The following ANKRD45 variants were observed in gnomAD, a reference collection of about 807,000 sequenced individuals.
ANKRD45 encodes the protein ankyrin repeat domain-containing protein 45.
In ANKRD45, 21 loss-of-function variants were observed where a neutral mutation model predicts 28.1. The ratio of observed to expected loss-of-function variants is 0.75; its 90% CI spans 0.53 to 1.08. ANKRD45 has a LOEUF of 1.08. ANKRD45 is among the 50% of genes least tolerant of loss of function. The pLI, the probability that ANKRD45 is intolerant of heterozygous loss-of-function variation, is 0.00. For missense variants in ANKRD45, 261 were observed against 308.7 expected (o/e 0.85, Z 1.16); for synonymous variants, 86 against 103.9 (o/e 0.83, Z 1.05).
upstream of ANKRD45, among the ~76,000 whole-genome samples, chr1:173,670,729 C>G (rs1558152314): frequency 6.6e-6 from 1 of 152,172 alleles, no homozygotes; most frequent in Non-Finnish European, 1.5e-5. Flanking sequence ...TTAACTGTCT[C>G]TCTAAAATAA....
chr1:173,635,958 C>A (rs1002427863), intron 3 of ANKRD45: 1 of 757,322 alleles, frequency 1.3e-6, no homozygotes, highest in Non-Finnish European at 2.1e-6. Context: ...TGTAACCTTC[C>A]CCCAACTTCC....
chr1:173,700,239 A>G, the ANKRD45 span, among the ~76,000 whole-genome samples: 1 of 152,246 alleles, frequency 6.6e-6, no homozygotes. Context: ...GAAAATGGCC[A>G]TACTGCCCAA....
chr1:173,683,287 T>C, the ANKRD45 span, among the ~76,000 whole-genome samples: 1 of 152,102 alleles, frequency 6.6e-6, no homozygotes, highest in South Asian at 2.1e-4. Flanking sequence ...TGAAGGCTGC[T>C]CTCTACCATC....
chr1:173,615,623 T>C (rs907944105), intron 5 of ANKRD45, among the ~76,000 whole-genome samples: 2 of 152,036 alleles, frequency 1.3e-5, no homozygotes, highest in African/African-American at 4.8e-5. Flanking sequence ...GACAAAGATG[T>C]GGAGAAATTT....
At chr1:173,691,334 G>A in the ANKRD45 span, among the ~76,000 whole-genome samples, 3 of 152,188 alleles carry the variant, frequency 2.0e-5, no homozygotes, top group East Asian at 5.8e-4. Flanking sequence ...AGAAGGGGGC[G>A]GGGCACACCT....
At position 173,625,871 on chromosome 1, in the gene ANKRD45, G is replaced by C. The variant is rs540974464; in HGVS notation, c.592-946C>G. Among the ~76,000 whole-genome samples, 3 of 151,876 alleles carry C rather than the reference G, an allele frequency of 2.0e-5. No homozygotes were observed. In the South Asian group the frequency reaches 6.2e-4, roughly 32 times the overall value. On this transcript the variant is annotated intron_variant, in intron 4 of 5. Transcript: ENST00000333279. ...AGGTATTAAGAATAGAAATAGAAAA[G>C]GGAAAACTATTATGTTTGCTTTAGA...
the ANKRD45 span, among the ~76,000 whole-genome samples, chr1:173,709,900 G>A: frequency 6.6e-6 from 1 of 152,270 alleles, no homozygotes; most frequent in Admixed American, 6.5e-5. Context: ...CCAAAGAGCT[G>A]GGATTATAGG....
chr1:173,655,434 A>G (rs536305099), intron 2 of ANKRD45, among the ~76,000 whole-genome samples: 1 of 152,294 alleles, frequency 6.6e-6, no homozygotes, highest in Admixed American at 6.5e-5. Flanking sequence ...AGGCTGCAGA[A>G]CAGCAAATAT....
Position 173,608,669 on chromosome 1 carries a change from T to C in ANKRD45, c.*1476A>G, listed in dbSNP as rs1667022051. Among the ~76,000 whole-genome samples, 1 of 150,772 alleles carries C rather than the reference T, an allele frequency of 6.6e-6. No individual in the cohort carries two copies. The highest frequency in any genetic ancestry group is 6.6e-5 in the Admixed American group (1 of 15,110). Reference sequence around the variant, plus strand: ...AAGCATGGTGGGAGGATCACTTGAGTGCAGGAGTTACAGGTTACAGTGAGC... The same window carrying C: ...AAGCATGGTGGGAGGATCACTTGAGCGCAGGAGTTACAGGTTACAGTGAGC... On this transcript the variant is annotated 3_prime_UTR_variant, in exon 6 of 6. Transcript: ENST00000333279.
the ANKRD45 span, among the ~76,000 whole-genome samples, chr1:173,684,455 T>TGAGCCTCTGCACCAAC: frequency 6.6e-6 from 1 of 152,176 alleles, no homozygotes; most frequent in African/African-American, 2.4e-5. Context: ...GCTGTTTCAA[T>TGAGCCTCTGCACCAAC]GAGCCTCTGC....
At position 173,646,955 on chromosome 1, in the gene ANKRD45, C is replaced by T. The variant is rs773877444; in HGVS notation, c.387G>A (p.Leu129=). 5.0e-6 allele frequency: 8 copies of T among 1,614,002 alleles called. No homozygotes were observed. The South Asian group carries it at 8.8e-5, about 18-fold the overall frequency. The stretch of plus-strand genomic sequence containing the variant: ...CTTCTATATCAACATCCAGTTCTAC[C>T]AGTGCTTTCAAAGTTTCCAAACGAC... ...AWGRLETLKA[L]VELDVDIEAL... is the part of the protein sequence containing the mutation. The change falls in exon 3 of 6, where the codon CTG becomes CTA. Residue 129 remains leucine (L), a synonymous_variant. Transcript: ENST00000333279.
the ANKRD45 span, among the ~76,000 whole-genome samples, chr1:173,714,545 G>T: frequency 6.6e-6 from 1 of 152,130 alleles, no homozygotes. Flanking sequence ...TCTGCACCTT[G>T]CACATAGTAG....
At chr1:173,621,978 T>C (rs990833860) in intron 5 of ANKRD45, among the ~76,000 whole-genome samples, 4 of 152,140 alleles carry the variant, frequency 2.6e-5, no homozygotes, top group African/African-American at 9.7e-5. Context: ...ACAAACTCAA[T>C]GTGCAAAAAT....
intron 3 of ANKRD45, chr1:173,637,226 A>T: frequency 1.9e-6 from 1 of 518,594 alleles, no homozygotes; most frequent in Non-Finnish European, 3.4e-6. Context: ...GGACTTACTA[A>T]AGTACTAGAG....
At chr1:173,677,597 T>G in the ANKRD45 span, among the ~76,000 whole-genome samples, 1 of 152,158 alleles carries the variant, frequency 6.6e-6, no homozygotes, top group Non-Finnish European at 1.5e-5. Context: ...GAATGCAGTT[T>G]ATTTTGATTG....
At chr1:173,664,711 G>A (rs574490486) in intron 1 of ANKRD45, among the ~76,000 whole-genome samples, 7 of 152,182 alleles carry the variant, frequency 4.6e-5, no homozygotes, top group African/African-American at 1.7e-4. Flanking sequence ...TTTCAAGTAC[G>A]TAATCTATCC....
the ANKRD45 span, among the ~76,000 whole-genome samples, chr1:173,681,545 T>A: frequency 2.6e-5 from 4 of 152,232 alleles, no homozygotes; most frequent in Non-Finnish European, 1.5e-5. Context: ...GTATTAGGCA[T>A]GCCGATAGAA....
chr1:173,657,193 G>A (rs536964004), intron 2 of ANKRD45, among the ~76,000 whole-genome samples: 93 of 151,784 alleles, frequency 6.1e-4, no homozygotes, highest in Middle Eastern at 3.4e-3. Context: ...TCGGCTGGGC[G>A]CGGTGACTCA....
At chr1:173,622,355 C>T (rs1197577448) in intron 5 of ANKRD45, among the ~76,000 whole-genome samples, 1 of 152,134 alleles carries the variant, frequency 6.6e-6, no homozygotes, top group African/African-American at 2.4e-5. Flanking sequence ...CCAAGACAAT[C>T]CTAAGCAAAA....
Sources: gnomAD v4.1 joint callset for allele counts (sites outside exome capture counted in the v4.1 genomes callset) on GRCh38, gnomAD v4.1.1 for gene constraint, MANE v1.5 for transcripts, NCBI Gene and HGNC (gene_info 2026-07-23, HGNC 2026-07-21) for gene names.